The following SYNE3 variants were observed in gnomAD, a reference collection of about 807,000 sequenced individuals.
SYNE3 encodes spectrin repeat containing nuclear envelope family member 3.
SYNE3 carries 100 observed loss-of-function variants against 111.2 expected under a neutral mutation model. That is an observed-to-expected ratio of 0.90 (90% CI 0.77 to 1.06). The LOEUF is 1.06. SYNE3 is among the 50% of genes least tolerant of loss of function. The pLI is 0.00. For synonymous variants in SYNE3, 547 were observed against 533.9 expected, an observed-to-expected ratio of 1.02 and a Z score of -0.34; for missense variants, 1,160 against 1,240.3, an observed-to-expected ratio of 0.94 and a Z score of 0.97.
intron 1 of SYNE3, among the ~76,000 whole-genome samples, chr14:95,504,105 G>T (rs1383340177): frequency 6.6e-6 from 1 of 152,134 alleles, no homozygotes; most frequent in East Asian, 1.9e-4. Flanking sequence ...AAAATCAAAA[G>T]AATAATAATG....
chr14:95,466,210 G>T lies in SYNE3; in HGVS notation c.348C>A (p.Ser116Arg). The stretch of plus-strand genomic sequence containing the variant: ...ACTCATCTCGGGCCAGCAGGTACTC[G>T]CTCCAGTGCAGCCACACCCACTCGA... ...SRIEWVWLHW[S>R]EYLLARDEFY... is the part of the protein sequence containing the mutation. The change falls in exon 4 of 18, where the codon AGC becomes AGA. Residue 116 changes from serine (S) to arginine (R), a missense_variant. Physicochemically the swap from Ser to Arg is moderately radical, Grantham distance 110. Coordinates refer to ENST00000682763, the MANE Select transcript of SYNE3 (RefSeq NM_152592.6). 1 of 1,585,524 alleles carries T rather than the reference G, an allele frequency of 6.3e-7. No homozygotes were observed. Among genetic ancestry groups the T allele is most frequent in the Non-Finnish European group, 8.6e-7 (1 of 1,158,156 alleles).
intron 1 of SYNE3, among the ~76,000 whole-genome samples, chr14:95,490,923 G>C (rs1889819168): frequency 6.6e-6 from 1 of 152,226 alleles, no homozygotes; most frequent in African/African-American, 2.4e-5. Flanking sequence ...CTTCCCATTA[G>C]AATGTCCCGC....
intron 1 of SYNE3, among the ~76,000 whole-genome samples, chr14:95,490,817 T>G (rs917183443): frequency 7.2e-5 from 11 of 152,258 alleles, no homozygotes; most frequent in Non-Finnish European, 1.5e-4. Context: ...GGCAAAGCCA[T>G]GCATTGCCAT....
rs559758685 is a variant in SYNE3, at chr14:95,477,118, C to CG, written c.-14-1284dup. 2.8e-4 allele frequency among the ~76,000 whole-genome samples: 43 copies of CG among 152,304 alleles called. No homozygotes were observed. In the South Asian group the frequency reaches 8.9e-3, roughly 32 times the overall value. On this transcript the variant is annotated intron_variant, in intron 1 of 17. Transcript: ENST00000682763. Reference sequence around the variant, plus strand: ...TACACTCATAGAAAAAGGCTGGGGCCGGGCATGGTGGCTCATGCCTATAAT... The same window carrying CG: ...TACACTCATAGAAAAAGGCTGGGGCCGGGGCATGGTGGCTCATGCCTATAAT...
rs1202117722 is a variant in SYNE3 at position 95,414,561 on chromosome 14, A to C, written c.*3265T>G. 1.3e-5 allele frequency: 2 copies of C among 151,834 alleles called. No individual in the cohort carries two copies. Among genetic ancestry groups the C allele is most frequent in the East Asian group, 3.9e-4 (2 of 5,158 alleles). 9.4% of individuals were successfully genotyped at this position (151,834 alleles called of 1,614,324 possible). On this transcript the variant is annotated 3_prime_UTR_variant, in exon 18 of 18. Transcript: ENST00000682763. The stretch of plus-strand genomic sequence containing the variant: ...CTCTGGGTGCTGCATGTGCCTTTCC[A>C]CATGCAGAGAACGGGCTAAGAAAGA...
At chr14:95,459,695 A>G (rs946865583) in intron 4 of SYNE3, among the ~76,000 whole-genome samples, 3 of 152,186 alleles carry the variant, frequency 2.0e-5, no homozygotes, top group Admixed American at 6.5e-5. Context: ...ATCTAGAAAT[A>G]TGAATTCATA....
chr14:95,410,181 G>C lies in SYNE3; in HGVS notation c.*7645C>G, dbSNP rs1903397687. ...TTTGGGTAGACCTGAAGGACTCAGG[G>C]TCCCCTGAGAGGAGGTGGCAGGCCG... On this transcript the variant is annotated 3_prime_UTR_variant, in exon 18 of 18. Coordinates refer to ENST00000682763, the MANE Select transcript of SYNE3 (RefSeq NM_152592.6). 6.6e-6 allele frequency: 1 copy of C among 152,352 alleles called. No homozygotes were observed. The highest frequency in any genetic ancestry group is 2.4e-5 in the African/African-American group (1 of 41,450). 9.4% of individuals were successfully genotyped at this position (152,352 alleles called of 1,614,324 possible).
chr14:95,470,975 G>A lies in SYNE3; in HGVS notation c.145-3008C>T, dbSNP rs893693462. Among the ~76,000 whole-genome samples, 81 of 143,916 alleles carry A rather than the reference G, an allele frequency of 5.6e-4. No individual in the cohort carries two copies. The highest frequency in any genetic ancestry group is 1.9e-3 in the African/African-American group (74 of 38,818). 94.4% of individuals were successfully genotyped at this position (143,916 alleles called of 152,430 possible). On this transcript the variant is annotated intron_variant, in intron 2 of 17. Coordinates refer to ENST00000682763, the MANE Select transcript of SYNE3 (RefSeq NM_152592.6). This position sits in a 1 kb window ranked among gnomAD's most constrained non-coding sequence, Gnocchi z 4.2. ...AGCCTGGGCAACAGAGCAACACGCC[G>A]TCTCAGGAAAAAAAAAAAAAGAAAG...
At chr14:95,459,896 G>A (rs1208438008) in intron 4 of SYNE3, among the ~76,000 whole-genome samples, 3 of 150,990 alleles carry the variant, frequency 2.0e-5, no homozygotes, top group African/African-American at 7.4e-5. Context: ...CCAGGAGTTC[G>A]AGACCAGCCT....
intron 1 of SYNE3, among the ~76,000 whole-genome samples, chr14:95,484,252 C>G (rs1416649063): frequency 6.6e-6 from 1 of 152,142 alleles, no homozygotes; most frequent in Non-Finnish European, 1.5e-5. Flanking sequence ...AAAAAGAGGT[C>G]CCCAGCCGTG....
intron 6 of SYNE3, 40 bp downstream of exon 6, chr14:95,455,337 A>T: frequency 6.8e-7 from 1 of 1,469,800 alleles, no homozygotes; most frequent in Non-Finnish European, 9.0e-7. Context: ...CTGGGCACAG[A>T]CAGCACCCTG....
chr14:95,499,146 CA>C (rs1427602483), intron 1 of SYNE3, among the ~76,000 whole-genome samples: 10 of 152,192 alleles, frequency 6.6e-5, no homozygotes, highest in African/African-American at 2.4e-4. Context: ...TTCCTGGATC[CA>C]GAGGCTTAGG....
chr14:95,493,748 C>T (rs767305765), intron 1 of SYNE3, among the ~76,000 whole-genome samples: 7 of 152,160 alleles, frequency 4.6e-5, no homozygotes, highest in Non-Finnish European at 8.8e-5. Context: ...CTGAGTGATG[C>T]CCTCAGGGGC....
intron 1 of SYNE3, among the ~76,000 whole-genome samples, 53 bp downstream of exon 1, chr14:95,516,543 C>T (rs1009241760): frequency 1.3e-5 from 2 of 151,100 alleles, no homozygotes; most frequent in African/African-American, 4.8e-5. Flanking sequence ...CGCCCGGCCC[C>T]CGGCCCCCGG....
chr14:95,464,535 A>C (rs1193134612), intron 4 of SYNE3, among the ~76,000 whole-genome samples: 1 of 152,258 alleles, frequency 6.6e-6, no homozygotes, highest in Non-Finnish European at 1.5e-5. Context: ...CAAACAAAAA[A>C]AACCAATCAC....
intron 1 of SYNE3, among the ~76,000 whole-genome samples, chr14:95,494,555 C>T (rs920671461): frequency 6.6e-6 from 1 of 152,104 alleles, no homozygotes; most frequent in African/African-American, 2.4e-5. Flanking sequence ...GACTGAACAG[C>T]ACAGGATTCC....
At chr14:95,467,248 G>C (rs957282858) in intron 3 of SYNE3, among the ~76,000 whole-genome samples, 1 of 152,000 alleles carries the variant, frequency 6.6e-6, no homozygotes, top group South Asian at 2.1e-4. Flanking sequence ...AGTGTGCCTC[G>C]CTCTTGATAT....
intron 1 of SYNE3, among the ~76,000 whole-genome samples, chr14:95,484,829 G>A (rs1217329666): frequency 1.3e-5 from 2 of 152,206 alleles, no homozygotes; most frequent in East Asian, 1.9e-4. Context: ...AATGTAGAAT[G>A]TATTTCACTG....
chr14:95,487,463 C>T (rs987667778), intron 1 of SYNE3, among the ~76,000 whole-genome samples: 2 of 152,158 alleles, frequency 1.3e-5, no homozygotes, highest in Admixed American at 1.3e-4. Flanking sequence ...GCACGAACCA[C>T]AGGAGCTCCC....
Sources: gnomAD v4.1 joint callset for allele counts (sites outside exome capture counted in the v4.1 genomes callset) on GRCh38, gnomAD v4.1.1 for gene constraint, Gnocchi (gnomAD v3.1) non-coding constraint, MANE v1.5 for transcripts, NCBI Gene and HGNC (gene_info 2026-07-23, HGNC 2026-07-21) for gene names.